The following OPRPN variants were observed in gnomAD, a reference collection of about 807,000 sequenced individuals.
OPRPN encodes opiorphin prepropeptide.
OPRPN carries 1 observed loss-of-function variant against 2.2 expected under a neutral mutation model. That is an observed-to-expected ratio of 0.45 (90% CI 0.16 to 2.15). OPRPN has a LOEUF of 2.15. OPRPN is among the 30% of genes most tolerant of loss of function. The pLI is 0.28. For missense variants in OPRPN, 306 were observed against 297.3 expected (o/e 1.03, Z -0.21); for synonymous variants, 126 against 111.5 (o/e 1.13, Z -0.82).
At chr4:70,398,249 T>A (rs1463673409) in intron 1 of OPRPN, among the ~76,000 whole-genome samples, 2 of 152,056 alleles carry the variant, frequency 1.3e-5, no homozygotes, top group East Asian at 3.9e-4. Flanking sequence ...TATTGATTAG[T>A]TGCACAATTT....
rs1034248665 is a variant in OPRPN at position 70,409,717 on chromosome 4, T to A, written c.389T>A (p.Phe130Tyr). ...LKPPFPPIPF[F>Y]LAIYLPISNP... ...CCCCCATTTCCTCCTATTCCTTTTT[T>A]TCTTGCTATTTACCTTCCTATCTCT... The change falls in exon 3 of 3, where the codon TTT (phenylalanine) becomes TAT (tyrosine). Residue 130 changes from phenylalanine to tyrosine, a missense_variant. By Grantham distance (22) the Phe-to-Tyr change is conservative. Transcript: ENST00000399575. 2.5e-6 allele frequency: 4 copies of A among 1,613,424 alleles called. No individual in the cohort carries two copies. Among genetic ancestry groups the A allele is most frequent in the Non-Finnish European group, 3.4e-6 (4 of 1,179,580 alleles).
Position 70,409,434 on chromosome 4 carries a change from C to T in OPRPN, c.106C>T (p.Pro36Ser), listed in dbSNP as rs1577885518. 1 of 1,614,042 alleles carries T rather than the reference C, an allele frequency of 6.2e-7. No individual in the cohort carries two copies. Among genetic ancestry groups the T allele is most frequent in the South Asian group, 1.1e-5 (1 of 91,066 alleles). ...RRPYLPGQLP[P>S]PPLYRPRWVP... ...ACCATATCTACCTGGCCAGCTGCCA[C>T]CACCTCCACTCTACAGGCCAAGATG... The change falls in exon 3 of 3, where the codon CCA (proline) becomes TCA (serine). Residue 36 changes from proline (P) to serine (S), a missense_variant. Coordinates refer to ENST00000399575, the MANE Select transcript of OPRPN (RefSeq NM_021225.5).
intron 1 of OPRPN, among the ~76,000 whole-genome samples, chr4:70,398,695 A>G (rs1193847639): frequency 1.3e-5 from 2 of 151,930 alleles, no homozygotes; most frequent in African/African-American, 2.4e-5. Flanking sequence ...ACAATAATTG[A>G]CTTTTGGAAT....
chr4:70,402,180 A>G (rs1016372199), intron 2 of OPRPN, among the ~76,000 whole-genome samples: 1 of 152,082 alleles, frequency 6.6e-6, no homozygotes, highest in African/African-American at 2.4e-5. Flanking sequence ...AACACAAATC[A>G]TCTAGGGATT....
intron 1 of OPRPN, among the ~76,000 whole-genome samples, 152 bp downstream of exon 1, chr4:70,398,192 T>A (rs1336949998): frequency 6.6e-6 from 1 of 151,922 alleles, no homozygotes; most frequent in African/African-American, 2.4e-5. Flanking sequence ...AATCATTGTC[T>A]GTGGTAAAAT....
chr4:70,399,977 T>C (rs1732937492), intron 2 of OPRPN, among the ~76,000 whole-genome samples: 2 of 151,936 alleles, frequency 1.3e-5, no homozygotes, highest in Non-Finnish European at 2.9e-5. Context: ...CTTTTGAAAA[T>C]CATTTGTTAA....
At chr4:70,401,029 A>G (rs776094918) in intron 2 of OPRPN, among the ~76,000 whole-genome samples, 2 of 152,016 alleles carry the variant, frequency 1.3e-5, no homozygotes, top group African/African-American at 2.4e-5. Flanking sequence ...TTTCATACTG[A>G]GGACAGACAA....
intron 1 of OPRPN, among the ~76,000 whole-genome samples, chr4:70,398,860 C>T (rs1227422512): frequency 2.0e-5 from 3 of 151,788 alleles, no homozygotes; most frequent in Non-Finnish European, 2.9e-5. Context: ...AGTCGTGTCA[C>T]GTTGACAATA....
intron 1 of OPRPN, among the ~76,000 whole-genome samples, chr4:70,398,470 G>A (rs1187633649): frequency 3.3e-5 from 5 of 151,736 alleles, no homozygotes; most frequent in African/African-American, 9.7e-5. Context: ...GTAGACACAC[G>A]CACATACAAC....
chr4:70,404,525 T>C (rs1277548382), intron 2 of OPRPN, among the ~76,000 whole-genome samples: 3 of 152,146 alleles, frequency 2.0e-5, no homozygotes, highest in Non-Finnish European at 4.4e-5. Flanking sequence ...ATCTTACCCT[T>C]TCTCACCACC....
rs1483932875 is a variant in OPRPN at position 70,409,491 on chromosome 4, T to G, written c.163T>G (p.Ser55Ala). The change falls in exon 3 of 3, where the codon TCA (serine) becomes GCA (alanine). Residue 55 changes from serine to alanine, a missense_variant. Ser to Ala is a moderately conservative substitution (Grantham distance 99, BLOSUM62 1). Coordinates refer to ENST00000399575, the MANE Select transcript of OPRPN (RefSeq NM_021225.5). ...VPPSPPPPYD[S>A]RLNSPLSLPF... ...ACCAAGTCCCCCACCTCCCTATGAC[T>G]CAAGACTTAATTCACCACTTTCTCT... 4 of 1,613,784 alleles carry G rather than the reference T, an allele frequency of 2.5e-6. No homozygotes were observed. In the African/African-American group the frequency reaches 4.0e-5, roughly 16 times the overall value.
intron 2 of OPRPN, among the ~76,000 whole-genome samples, chr4:70,406,830 A>G (rs6827846): frequency 0.84 from 128,156 of 152,106 alleles, 54,106 homozygotes; most frequent in Admixed American, 0.89. Flanking sequence ...AGTTTGCTGC[A>G]CCAGTTCTAA....
At position 70,409,824 on chromosome 4, in the gene OPRPN, A is replaced by G; in HGVS notation, c.496A>G (p.Ser166Gly). 6.2e-7 allele frequency: 1 copy of G among 1,612,564 alleles called. No homozygotes were observed. The highest frequency in any genetic ancestry group is 1.7e-4 in the Middle Eastern group (1 of 6,050). Residue 166 changes from serine (S) to glycine (G), a missense_variant, in exon 3 of 3, where the codon AGC becomes GGC. Transcript: ENST00000399575. Reference protein sequence around the residue: ...NPPTTATATTSTSTKPTMTIS... With the variant: ...NPPTTATATTGTSTKPTMTIS... ...CCCCACCACTGCAACAGCAACCACCAGCACTTCCACAAAACCCACAATGAC... is the reference window on the plus strand; with the variant it reads ...CCCCACCACTGCAACAGCAACCACCGGCACTTCCACAAAACCCACAATGAC...
At chr4:70,409,291 T>C in intron 2 of OPRPN, 89 bp from the exon 3 acceptor site, 2 of 981,736 alleles carry the variant, frequency 2.0e-6, no homozygotes, top group South Asian at 3.4e-5. Context: ...ACATAGTAGA[T>C]ATATTAATAC....
At chr4:70,404,600 T>C (rs1733047401) in intron 2 of OPRPN, among the ~76,000 whole-genome samples, 1 of 152,180 alleles carries the variant, frequency 6.6e-6, no homozygotes. Flanking sequence ...AACTGATCTC[T>C]CTGCTTTCAC....
chr4:70,409,145 T>A (rs1733155124), intron 2 of OPRPN, among the ~76,000 whole-genome samples: 3 of 152,154 alleles, frequency 2.0e-5, no homozygotes. Context: ...TTTGGTTTTT[T>A]CTCATTTAAT....
At position 70,399,407 on chromosome 4, in the gene OPRPN, A is replaced by G. The variant is rs1373824010; in HGVS notation, c.51+71A>G. 3.8e-6 allele frequency: 5 copies of G among 1,329,566 alleles called. No homozygotes were observed. The Admixed American group carries it at 9.3e-5, about 25-fold the overall frequency. The allele number at this position is 1,329,566 out of a possible 1,614,324, so 82.4% of individuals were successfully genotyped here. On this transcript the variant is annotated intron_variant, in intron 2 of 2. Coordinates refer to ENST00000399575, the MANE Select transcript of OPRPN (RefSeq NM_021225.5). ...TCATGATTTCAAAGAAAGTTTTGAT[A>G]CCAAGAATTTTGTCCTGTATATAAA...
At position 70,409,645 on chromosome 4, in the gene OPRPN, A is replaced by G; in HGVS notation, c.317A>G (p.His106Arg). 1.2e-6 allele frequency: 2 copies of G among 1,614,008 alleles called. No homozygotes were observed. Among genetic ancestry groups the G allele is most frequent in the South Asian group, 2.2e-5 (2 of 91,064 alleles). The change falls in exon 3 of 3, where the codon CAT becomes CGT. Residue 106 changes from histidine to arginine, a missense_variant. Physicochemically the swap from His to Arg is conservative, Grantham distance 29. Coordinates refer to ENST00000399575, the MANE Select transcript of OPRPN (RefSeq NM_021225.5). ...PRLFPGYPNLHFPLRPYYVGP... is the reference protein window; with the variant it reads ...PRLFPGYPNLRFPLRPYYVGP... ...CTCTTTCCGGGTTATCCAAACCTACATTTCCCACTAAGACCTTACTATGTA... is the reference window on the plus strand; with the variant it reads ...CTCTTTCCGGGTTATCCAAACCTACGTTTCCCACTAAGACCTTACTATGTA...
intron 2 of OPRPN, among the ~76,000 whole-genome samples, chr4:70,404,853 T>C (rs1380051878): frequency 6.6e-6 from 1 of 152,170 alleles, no homozygotes; most frequent in Non-Finnish European, 1.5e-5. Context: ...AAATAAATAA[T>C]AATAAATTTA....
Sources: allele counts gnomAD v4.1 joint callset (sites outside exome capture counted in the v4.1 genomes callset), GRCh38; gene constraint gnomAD v4.1.1; transcripts MANE v1.5; gene names NCBI Gene and HGNC (gene_info 2026-07-23, HGNC 2026-07-21).